The following ATG10 variants were observed in gnomAD, a reference collection of about 807,000 sequenced individuals.
The protein encoded by ATG10 is ubiquitin-like-conjugating enzyme ATG10.
Under a neutral mutation model 32.1 loss-of-function variants are expected in ATG10, and 30 were observed. The ratio of observed to expected loss-of-function variants is 0.94; its 90% CI spans 0.70 to 1.27. The LOEUF is 1.27. Ranked by LOEUF, ATG10 falls within the 50% of genes most tolerant of loss-of-function variation. The pLI, the probability that ATG10 is intolerant of heterozygous loss-of-function variation, is 0.00. For missense variants in ATG10, 233 were observed against 262.3 expected (o/e 0.89, Z 0.77); for synonymous variants, 87 against 91.5 (o/e 0.95, Z 0.28).
intron 2 of ATG10, among the ~76,000 whole-genome samples, chr5:82,036,209 A>G (rs1316865743): frequency 1.3e-5 from 2 of 152,146 alleles, no homozygotes; most frequent in African/African-American, 4.8e-5. Flanking sequence ...TTTATCATAT[A>G]TTAACTTCTA....
At position 82,030,929 on chromosome 5, in the gene ATG10, A is replaced by G. The variant is rs187301333; in HGVS notation, c.109-27566A>G. On this transcript the variant is annotated intron_variant, in intron 2 of 7. Transcript: ENST00000282185. ...TTTTATTCATGATAGGTATCATCTCATTTTTGCTTGTGACTTTTTAAAAAA... is the reference window on the plus strand; with the variant it reads ...TTTTATTCATGATAGGTATCATCTCGTTTTTGCTTGTGACTTTTTAAAAAA... Among the ~76,000 whole-genome samples the G allele has an allele frequency of 3.3e-5, 5 of 151,786 alleles. No homozygotes were observed. In the South Asian group the frequency reaches 6.3e-4, roughly 19 times the overall value.
chr5:82,217,595 C>T (rs888345668), intron 5 of ATG10, among the ~76,000 whole-genome samples: 3 of 149,778 alleles, frequency 2.0e-5, no homozygotes, highest in Non-Finnish European at 4.5e-5. Flanking sequence ...ACACACACAC[C>T]CATATACATA....
chr5:82,156,417 C>T (rs1305375077), intron 3 of ATG10, among the ~76,000 whole-genome samples: 1 of 152,088 alleles, frequency 6.6e-6, no homozygotes, highest in African/African-American at 2.4e-5. Context: ...GCCAGGAATA[C>T]GTCTGTTTAA....
At chr5:82,235,192 A>G (rs1435370075) in intron 5 of ATG10, among the ~76,000 whole-genome samples, 1 of 151,802 alleles carries the variant, frequency 6.6e-6, no homozygotes, top group Non-Finnish European at 1.5e-5. Flanking sequence ...CCTTTCCTCT[A>G]TTCATGCTGG....
chr5:82,085,373 A>C (rs898589666), intron 3 of ATG10, among the ~76,000 whole-genome samples: 3 of 151,908 alleles, frequency 2.0e-5, no homozygotes, highest in African/African-American at 7.2e-5. Flanking sequence ...ACTCCCACAC[A>C]ATAATAATGG....
intron 5 of ATG10, among the ~76,000 whole-genome samples, chr5:82,231,473 C>T (rs976368168): frequency 2.0e-5 from 3 of 152,166 alleles, no homozygotes; most frequent in African/African-American, 7.2e-5. Flanking sequence ...CTGAAAAGCT[C>T]TATTACTATG....
At chr5:82,246,865 A>T (rs1240534474) in intron 5 of ATG10, among the ~76,000 whole-genome samples, 1 of 152,162 alleles carries the variant, frequency 6.6e-6, no homozygotes, top group Non-Finnish European at 1.5e-5. Flanking sequence ...GAATTCTCTC[A>T]GTCTGTTTCC....
intron 5 of ATG10, among the ~76,000 whole-genome samples, chr5:82,191,328 G>A (rs1383102671): frequency 1.3e-5 from 2 of 152,190 alleles, no homozygotes; most frequent in Non-Finnish European, 2.9e-5. Context: ...GCTGAACATT[G>A]TTTCTGCTGT....
intron 2 of ATG10, among the ~76,000 whole-genome samples, chr5:82,038,907 G>A (rs578230409): frequency 6.6e-6 from 1 of 152,314 alleles, no homozygotes; most frequent in Non-Finnish European, 1.5e-5. Context: ...GAGTGCTGTG[G>A]CATGATCATA....
At chr5:82,070,974 T>C (rs1210608293) in intron 3 of ATG10, among the ~76,000 whole-genome samples, 2 of 152,214 alleles carry the variant, frequency 1.3e-5, no homozygotes, top group African/African-American at 4.8e-5. Context: ...TTGACACTAC[T>C]GACTAAGCCC....
Position 82,043,064 on chromosome 5 carries a change from A to G in ATG10, c.109-15431A>G, listed in dbSNP as rs1057051040. 3.9e-5 allele frequency among the ~76,000 whole-genome samples: 6 copies of G among 152,126 alleles called. No homozygotes were observed. In the South Asian group the frequency reaches 1.2e-3, roughly 32 times the overall value. The stretch of plus-strand genomic sequence containing the variant: ...TTTTCCCTCTGCACTGCCCTAGTAG[A>G]GGCTCTCCATGAGGGCTCCACCCCT... On this transcript the variant is annotated intron_variant, in intron 2 of 7. Transcript: ENST00000282185.
At chr5:81,993,332 C>CTTCCTTCCTTCCTTCT (rs1761522819) in intron 2 of ATG10, among the ~76,000 whole-genome samples, 1 of 86,042 alleles carries the variant, frequency 1.2e-5, no homozygotes, top group African/African-American at 6.1e-5. Context: ...TCTTTCCTTC[C>CTTCCTTCCTTCCTTCT]TTCCTTCTTT....
At chr5:82,178,368 A>T (rs1404891362) in intron 4 of ATG10, 122 bp from the exon 5 acceptor site, 26 of 616,496 alleles carry the variant, frequency 4.2e-5, no homozygotes, top group Non-Finnish European at 5.9e-6. Context: ...TGATATATAA[A>T]TAGCATGTGC....
intron 2 of ATG10, among the ~76,000 whole-genome samples, chr5:82,035,075 C>A (rs1762871446): frequency 6.6e-6 from 1 of 152,018 alleles, no homozygotes; most frequent in Non-Finnish European, 1.5e-5. Flanking sequence ...CCATGCCTGA[C>A]CAATTTTTGC....
At chr5:82,157,707 T>G (rs1767860430) in intron 3 of ATG10, among the ~76,000 whole-genome samples, 1 of 152,202 alleles carries the variant, frequency 6.6e-6, no homozygotes, top group Admixed American at 6.5e-5. Context: ...CTGAAAATAT[T>G]AAATGGCTGT....
At chr5:82,243,614 T>C (rs1248681764) in intron 5 of ATG10, among the ~76,000 whole-genome samples, 1 of 152,152 alleles carries the variant, frequency 6.6e-6, no homozygotes, top group Admixed American at 6.6e-5. Context: ...TCTAAGAAGA[T>C]ATACTTCTAT....
chr5:82,035,243 C>T (rs1174584299), intron 2 of ATG10, among the ~76,000 whole-genome samples: 2 of 152,160 alleles, frequency 1.3e-5, no homozygotes, highest in Non-Finnish European at 2.9e-5. Flanking sequence ...CTTAAAACCA[C>T]TTGTTCTACA....
intron 3 of ATG10, among the ~76,000 whole-genome samples, chr5:82,142,518 A>G (rs1767193165): frequency 6.6e-6 from 1 of 152,206 alleles, no homozygotes; most frequent in South Asian, 2.1e-4. Flanking sequence ...AAGGATGCTA[A>G]GAGGGGACAG....
At chr5:82,153,648 C>T (rs1219147861) in intron 3 of ATG10, among the ~76,000 whole-genome samples, 1 of 152,134 alleles carries the variant, frequency 6.6e-6, no homozygotes, top group Admixed American at 6.5e-5. Flanking sequence ...AACTGGTTTA[C>T]ACTTGAATGA....
Sources: gnomAD v4.1 joint callset for allele counts (sites outside exome capture counted in the v4.1 genomes callset) on GRCh38, gnomAD v4.1.1 for gene constraint, MANE v1.5 for transcripts, NCBI Gene and HGNC (gene_info 2026-07-23, HGNC 2026-07-21) for gene names.